Variants in RIT2 observed in about 807,000 individuals in gnomAD.
RIT2 encodes Ras like without CAAX 2.
RIT2 carries 24 observed loss-of-function variants against 23.7 expected under a neutral mutation model. That is an observed-to-expected ratio of 1.01 (90% confidence interval 0.73 to 1.43). The LOEUF (loss-of-function observed/expected upper bound fraction) is 1.43. Among genes scored for constraint, RIT2 ranks in the 40% most tolerant of loss-of-function variants. The pLI, the probability that RIT2 is intolerant of heterozygous loss-of-function variation, is 0.00. For synonymous variants in RIT2, 107 were observed against 91.1 expected (o/e 1.17, Z -0.99); for missense variants, 236 against 266.9 (o/e 0.88, Z 0.81).
intron 1 of RIT2, among the ~76,000 whole-genome samples, chr18:43,073,705 A>G (rs2144338419): frequency 6.6e-6 from 1 of 152,308 alleles, no homozygotes; most frequent in South Asian, 2.1e-4. Context: ...CCTGCCATCC[A>G]GGAATGGCAA....
At chr18:42,800,889 A>C (rs1905523073) in intron 4 of RIT2, among the ~76,000 whole-genome samples, 1 of 152,002 alleles carries the variant, frequency 6.6e-6, no homozygotes, top group Non-Finnish European at 1.5e-5. Flanking sequence ...CCTATATTGG[A>C]ATTATTACCT....
intron 1 of RIT2, among the ~76,000 whole-genome samples, chr18:43,057,007 G>T (rs985220876): frequency 1.5e-5 from 2 of 137,168 alleles, no homozygotes; most frequent in Non-Finnish European, 3.1e-5. Context: ...CCTTGTTCTT[G>T]TTCTGATGAT....
At chr18:42,783,446 GCA>G (rs1446673377) in intron 4 of RIT2, among the ~76,000 whole-genome samples, 20 of 152,110 alleles carry the variant, frequency 1.3e-4, no homozygotes, top group Non-Finnish European at 1.2e-4. Flanking sequence ...AATGTTAAAT[GCA>G]GTACTGAATA....
chr18:42,786,807 A>C (rs926621693), intron 4 of RIT2, among the ~76,000 whole-genome samples: 1 of 151,896 alleles, frequency 6.6e-6, no homozygotes, highest in Non-Finnish European at 1.5e-5. Context: ...ATTTATCAAA[A>C]CTCGTTTGTT....
chr18:42,888,961 C>G (rs1034114828), intron 4 of RIT2, among the ~76,000 whole-genome samples: 12 of 151,964 alleles, frequency 7.9e-5, no homozygotes, highest in African/African-American at 2.9e-4. Flanking sequence ...GTACTATGCT[C>G]AGTATCAGGG....
intron 4 of RIT2, among the ~76,000 whole-genome samples, chr18:42,881,226 G>T (rs997082172): frequency 6.6e-6 from 1 of 152,056 alleles, no homozygotes; most frequent in Non-Finnish European, 1.5e-5. Flanking sequence ...AAAAAACAGA[G>T]GTTGTTTAAA....
At chr18:43,055,694 G>C (rs1235129523) in intron 1 of RIT2, among the ~76,000 whole-genome samples, 3 of 152,056 alleles carry the variant, frequency 2.0e-5, no homozygotes, top group Non-Finnish European at 4.4e-5. Context: ...AAAATCCACA[G>C]GTGTAACTTT....
intron 4 of RIT2, among the ~76,000 whole-genome samples, chr18:42,808,939 T>G (rs1192863216): frequency 6.6e-6 from 1 of 152,148 alleles, no homozygotes; most frequent in Non-Finnish European, 1.5e-5. Flanking sequence ...AGATCTGGAT[T>G]TCCCAAGCTT....
At chr18:42,876,839 T>C (rs1240024321) in intron 4 of RIT2, among the ~76,000 whole-genome samples, 1 of 151,928 alleles carries the variant, frequency 6.6e-6, no homozygotes, top group East Asian at 1.9e-4. Context: ...GAAAATGAGC[T>C]ACTATCCCAT....
chr18:42,801,160 A>G (rs553443223), intron 4 of RIT2, among the ~76,000 whole-genome samples: 3 of 152,292 alleles, frequency 2.0e-5, no homozygotes, highest in African/African-American at 7.2e-5. Context: ...AAGAAAAAAA[A>G]GAAACAGTTG....
At chr18:42,953,653 T>C (rs996855725) in intron 3 of RIT2, among the ~76,000 whole-genome samples, 1 of 152,206 alleles carries the variant, frequency 6.6e-6, no homozygotes, top group Non-Finnish European at 1.5e-5. Flanking sequence ...GAGGGTCTTG[T>C]TATCCTCATA....
intron 2 of RIT2, among the ~76,000 whole-genome samples, chr18:42,980,743 C>A (rs931847617): frequency 6.6e-6 from 1 of 152,098 alleles, no homozygotes. Flanking sequence ...ACACAGAACC[C>A]TACCTGGAGA....
At chr18:42,798,534 CAA>C (rs1905437553) in intron 4 of RIT2, among the ~76,000 whole-genome samples, 1 of 152,158 alleles carries the variant, frequency 6.6e-6, no homozygotes, top group South Asian at 2.1e-4. Flanking sequence ...ATTACAAAAA[CAA>C]ATAGAATGTA....
At chr18:42,816,922 A>C (rs890356275) in intron 4 of RIT2, among the ~76,000 whole-genome samples, 1 of 152,162 alleles carries the variant, frequency 6.6e-6, no homozygotes, top group African/African-American at 2.4e-5. Context: ...GTGCATAAAA[A>C]ATAACTGGGG....
intron 4 of RIT2, among the ~76,000 whole-genome samples, chr18:42,771,736 C>A (rs527489441): frequency 1.3e-5 from 2 of 152,156 alleles, no homozygotes; most frequent in Admixed American, 1.3e-4. Context: ...TGTTGGGATG[C>A]AGCCTAATTA....
intron 1 of RIT2, among the ~76,000 whole-genome samples, chr18:43,073,089 C>G (rs571037900): frequency 6.6e-6 from 1 of 152,196 alleles, no homozygotes; most frequent in South Asian, 2.1e-4. Context: ...AACTTAATAA[C>G]GAGGGTGTAG....
At chr18:42,903,418 A>C (rs906166187) in intron 4 of RIT2, among the ~76,000 whole-genome samples, 2 of 152,078 alleles carry the variant, frequency 1.3e-5, no homozygotes, top group African/African-American at 2.4e-5. Flanking sequence ...GATTTCATAG[A>C]GACTGTGTTG....
chr18:42,974,581 TA>T (rs1481293792), intron 2 of RIT2, among the ~76,000 whole-genome samples: 2 of 151,918 alleles, frequency 1.3e-5, no homozygotes, highest in African/African-American at 4.8e-5. Flanking sequence ...CCAGAACAAT[TA>T]GGCAAGAAGA....
At chr18:43,048,725 A>C (rs1023349504) in intron 1 of RIT2, among the ~76,000 whole-genome samples, 18 of 152,300 alleles carry the variant, frequency 1.2e-4, no homozygotes, top group African/African-American at 4.3e-4. Flanking sequence ...CTCAGGGTCT[A>C]TCTAGCTAAA....
Sources: allele counts gnomAD v4.1 joint callset (sites outside exome capture counted in the v4.1 genomes callset), GRCh38; gene constraint gnomAD v4.1.1; transcripts MANE v1.5; gene names NCBI Gene and HGNC (gene_info 2026-07-23, HGNC 2026-07-21).